Variants in BCL2L1 observed in about 807,000 individuals in gnomAD.
BCL2L1 encodes BCL2 like 1.
BCL2L1 carries 1 observed loss-of-function variant against 18.7 expected under a neutral mutation model. That is an observed-to-expected ratio of 0.05 (90% CI 0.02 to 0.25). BCL2L1 has a LOEUF of 0.25. BCL2L1 is among the 10% of genes least tolerant of loss of function. The pLI is 1.00. For missense variants in BCL2L1, 207 were observed against 304.9 expected (o/e 0.68, Z 2.39); for synonymous variants, 103 against 122.7 (o/e 0.84, Z 1.06).
At chr20:31,691,815 T>C (rs959811730) in intron 2 of BCL2L1, among the ~76,000 whole-genome samples, 2 of 152,202 alleles carry the variant, frequency 1.3e-5, no homozygotes, top group African/African-American at 2.4e-5. Flanking sequence ...ACAGCCCCAC[T>C]TGTAATCTGA....
rs750222124 is a variant in BCL2L1, at chr20:31,721,934, G to A, written c.285C>T (p.Asp95=). The change falls in exon 2 of 3, where the codon GAC becomes GAT. Residue 95 remains aspartate (D), a synonymous_variant. Coordinates refer to ENST00000307677, the MANE Select transcript of BCL2L1 (RefSeq NM_138578.3). ...AVKQALREAG[D]EFELRYRRAF... The stretch of plus-strand genomic sequence containing the variant: ...CCCGCCGGTACCGCAGTTCAAACTC[G>A]TCGCCTGCCTCCCTCAGCGCTTGCT... 5.6e-6 allele frequency: 9 copies of A among 1,614,050 alleles called. No individual in the cohort carries two copies. The highest frequency in any genetic ancestry group is 4.0e-5 in the African/African-American group (3 of 74,918).
At chr20:31,686,086 C>T (rs2060951018) in intron 2 of BCL2L1, 1 of 152,166 alleles carries the variant, frequency 6.6e-6, no homozygotes, top group African/African-American at 2.4e-5. Context: ...GCCATAGGAG[C>T]CCAAATAGCC....
In BCL2L1 at chr20:31,713,583, C is replaced by T. The variant is rs549045104; in HGVS notation, c.564+8072G>A. 1.2e-5 allele frequency: 12 copies of T among 985,346 alleles called. No homozygotes were observed. The East Asian group carries it at 1.3e-3, about 103-fold the overall frequency. 61.0% of individuals were successfully genotyped at this position (985,346 alleles called of 1,614,324 possible). Reference sequence around the variant, plus strand: ...GTGTGGCTCAGAGTTCACTGTAAGGCTCAAGCTTGGCCCGAGAGTCTCATC... The same window carrying T: ...GTGTGGCTCAGAGTTCACTGTAAGGTTCAAGCTTGGCCCGAGAGTCTCATC... On this transcript the variant is annotated intron_variant, in intron 2 of 2. Coordinates refer to ENST00000307677, the MANE Select transcript of BCL2L1 (RefSeq NM_138578.3).
intron 2 of BCL2L1, among the ~76,000 whole-genome samples, chr20:31,669,234 A>G (rs991602924): frequency 1.3e-5 from 2 of 150,730 alleles, no homozygotes; most frequent in African/African-American, 4.9e-5. Flanking sequence ...ATATTTCTAA[A>G]TTTTTTGTAG....
intron 2 of BCL2L1, among the ~76,000 whole-genome samples, chr20:31,704,940 G>A (rs539352704): frequency 6.6e-6 from 1 of 152,258 alleles, no homozygotes; most frequent in Non-Finnish European, 1.5e-5. Context: ...GGTCTCTGGG[G>A]GTGCAAGGTG....
chr20:31,696,036 T>C (rs1358878043), intron 2 of BCL2L1, among the ~76,000 whole-genome samples: 1 of 152,140 alleles, frequency 6.6e-6, no homozygotes, highest in Non-Finnish European at 1.5e-5. Flanking sequence ...CACTTCAGCT[T>C]CCCAAAGTGC....
chr20:31,716,373 A>G (rs779616799), intron 2 of BCL2L1, among the ~76,000 whole-genome samples: 1 of 152,152 alleles, frequency 6.6e-6, no homozygotes, highest in Admixed American at 6.5e-5. Flanking sequence ...ATCATCTGAT[A>G]TAAACATGTA....
chr20:31,706,820 A>T (rs146338045), intron 2 of BCL2L1, among the ~76,000 whole-genome samples: 27 of 152,330 alleles, frequency 1.8e-4, no homozygotes, highest in Admixed American at 3.9e-4. Context: ...TTTTTCATCT[A>T]TCATCTCTTT....
chr20:31,710,235 T>C (rs1389409382), intron 2 of BCL2L1, among the ~76,000 whole-genome samples: 3 of 152,108 alleles, frequency 2.0e-5, no homozygotes, highest in African/African-American at 2.4e-5. Flanking sequence ...AGGAGACAGA[T>C]GGTAAACATG....
intron 2 of BCL2L1, among the ~76,000 whole-genome samples, chr20:31,678,589 T>C (rs2060801762): frequency 6.6e-6 from 1 of 152,184 alleles, no homozygotes. Flanking sequence ...GGAGAACTTG[T>C]TGCCACAAAG....
chr20:31,706,216 G>A (rs955202978), intron 2 of BCL2L1, among the ~76,000 whole-genome samples: 21 of 152,142 alleles, frequency 1.4e-4, no homozygotes, highest in African/African-American at 4.3e-4. Flanking sequence ...CAGAACTCCC[G>A]CACTGAAGTC....
rs142027630 is a variant in BCL2L1, at chr20:31,666,421, C to A, written c.565-335G>T. Among the ~76,000 whole-genome samples the A allele has an allele frequency of 2.5e-3, 378 of 152,116 alleles. No homozygotes were observed. In the Middle Eastern group the frequency reaches 0.034, roughly 14 times the overall value. ...GAAGCCAGGTGGCTGGAGCAGAGTG[C>A]AGGAGAGGAGGGCATGGGGGAGATG... On this transcript the variant is annotated intron_variant, in intron 2 of 2. Transcript: ENST00000307677.
rs1296280144 is a variant in BCL2L1 at position 31,721,983 on chromosome 20, T to A, written c.236A>T (p.Glu79Val). 1 of 1,614,076 alleles carries A rather than the reference T, an allele frequency of 6.2e-7. No homozygotes were observed. Among genetic ancestry groups the A allele is most frequent in the Non-Finnish European group, 8.5e-7 (1 of 1,179,996 alleles). ...CTTTACTGCTGCCATGGGGATCACC[T>A]CCCGGGCATCCAAACTGCTGCTGTG... ...TGHSSSLDAREVIPMAAVKQA... is the reference protein window; with the variant it reads ...TGHSSSLDARVVIPMAAVKQA... The change falls in exon 2 of 3, where the codon GAG becomes GTG. Residue 79 changes from glutamate to valine, a missense_variant. Physicochemically the swap from Glu to Val is moderately radical, Grantham distance 121. Coordinates refer to ENST00000307677, the MANE Select transcript of BCL2L1 (RefSeq NM_138578.3).
chr20:31,683,520 G>C (rs976599256), intron 2 of BCL2L1, among the ~76,000 whole-genome samples: 2 of 152,116 alleles, frequency 1.3e-5, no homozygotes, highest in Non-Finnish European at 2.9e-5. Flanking sequence ...TGTAATCCCA[G>C]CACTCTGGGA....
chr20:31,723,500 G>T (rs1262803902), upstream of BCL2L1: 6 of 985,264 alleles, frequency 6.1e-6, no homozygotes, highest in East Asian at 6.8e-4. Flanking sequence ...GGCCGGCTGC[G>T]GCCTAGCGGC....
intron 2 of BCL2L1, among the ~76,000 whole-genome samples, chr20:31,683,633 G>A (rs2060900428): frequency 6.6e-6 from 1 of 151,904 alleles, no homozygotes; most frequent in South Asian, 2.1e-4. Flanking sequence ...GCTGGGTGTG[G>A]TGGCGGGCAC....
intron 2 of BCL2L1, among the ~76,000 whole-genome samples, chr20:31,695,995 G>C (rs1443506965): frequency 2.6e-5 from 4 of 151,974 alleles, no homozygotes; most frequent in Non-Finnish European, 5.9e-5. Context: ...GCCCAGGTTG[G>C]TCTCGAACTC....
At chr20:31,690,940 G>A (rs895558507) in intron 2 of BCL2L1, among the ~76,000 whole-genome samples, 2 of 151,780 alleles carry the variant, frequency 1.3e-5, no homozygotes, top group Admixed American at 6.6e-5. Flanking sequence ...CCTGAGGTCA[G>A]GCATTTGAGA....
intron 2 of BCL2L1, among the ~76,000 whole-genome samples, chr20:31,709,078 C>T (rs7354225): frequency 0.17 from 26,584 of 152,170 alleles, 2,758 homozygotes; most frequent in Non-Finnish European, 0.22. Flanking sequence ...TTACTGAGAC[C>T]TAACTGCATC....
Sources: allele counts gnomAD v4.1 joint callset (sites outside exome capture counted in the v4.1 genomes callset), GRCh38; gene constraint gnomAD v4.1.1; transcripts MANE v1.5; gene names NCBI Gene and HGNC (gene_info 2026-07-23, HGNC 2026-07-21).